The following GRAMD1B variants were observed in gnomAD, a reference collection of about 807,000 sequenced individuals.
GRAMD1B encodes the protein GRAM domain containing 1B, also known as protein Aster-B.
In GRAMD1B, 37 loss-of-function variants were observed where a neutral mutation model predicts 99.7. The ratio of observed to expected loss-of-function variants is 0.37; its 90% CI spans 0.29 to 0.49. The LOEUF (loss-of-function observed/expected upper bound fraction) is 0.49, where lower values mean the gene tolerates loss of function less well. GRAMD1B is among the 20% of genes least tolerant of loss of function. The pLI is 0.98. For synonymous variants in GRAMD1B, 427 were observed against 387.6 expected (o/e 1.10, Z -1.19); for missense variants, 888 against 1,009.2 (o/e 0.88, Z 1.63).
intron 2 of GRAMD1B, among the ~76,000 whole-genome samples, chr11:123,515,692 A>T (rs1408302251): frequency 4.6e-5 from 7 of 152,204 alleles, no homozygotes; most frequent in Non-Finnish European, 1.5e-5. Context: ...GAAACATAGA[A>T]CTACCACCAC....
chr11:123,591,836 A>T lies in GRAMD1B; in HGVS notation c.685-2246A>T, dbSNP rs1324086972. ...GGCTTGTGTTGGGAAGCCTGGATAAAGGAGTTTCCAGACTGGCTGACTTAG... is the reference window on the plus strand; with the variant it reads ...GGCTTGTGTTGGGAAGCCTGGATAATGGAGTTTCCAGACTGGCTGACTTAG... On this transcript the variant is annotated intron_variant, in intron 4 of 19. Coordinates refer to ENST00000635736, the MANE Select transcript of GRAMD1B (RefSeq NM_001387025.1). This position sits in a 1 kb window ranked among gnomAD's most constrained non-coding sequence, Gnocchi z 4.7. 6.6e-6 allele frequency among the ~76,000 whole-genome samples: 1 copy of T among 152,136 alleles called. No homozygotes were observed.
intron 4 of GRAMD1B, among the ~76,000 whole-genome samples, chr11:123,585,268 G>A (rs567240640): frequency 6.6e-6 from 1 of 152,344 alleles, no homozygotes; most frequent in East Asian, 1.9e-4. Context: ...GCCAGGGGAT[G>A]GGCTGGAGGG....
intron 1 of GRAMD1B, among the ~76,000 whole-genome samples, chr11:123,448,557 C>T (rs1216838161): frequency 6.6e-6 from 1 of 152,172 alleles, no homozygotes; most frequent in East Asian, 1.9e-4. Context: ...TGTCCTGGGG[C>T]GATTTCATCC....
chr11:123,376,600 A>G (rs1415530265), intron 1 of GRAMD1B, among the ~76,000 whole-genome samples: 1 of 152,224 alleles, frequency 6.6e-6, no homozygotes, highest in Non-Finnish European at 1.5e-5. Context: ...CAGGAGCAAG[A>G]TAAATATCAC....
At chr11:123,477,004 A>G (rs1321939692) in intron 1 of GRAMD1B, among the ~76,000 whole-genome samples, 1 of 152,176 alleles carries the variant, frequency 6.6e-6, no homozygotes, top group Non-Finnish European at 1.5e-5. Flanking sequence ...AAGCACTTTG[A>G]GAGCAGGATC....
chr11:123,539,273 C>T (rs1944273307), intron 2 of GRAMD1B, among the ~76,000 whole-genome samples: 1 of 152,054 alleles, frequency 6.6e-6, no homozygotes, highest in Admixed American at 6.6e-5. Flanking sequence ...TTTCATTCAG[C>T]TGTCATACAA....
intron 2 of GRAMD1B, among the ~76,000 whole-genome samples, chr11:123,550,243 T>C (rs1945477142): frequency 6.6e-6 from 1 of 152,180 alleles, no homozygotes; most frequent in Non-Finnish European, 1.5e-5. Flanking sequence ...GTGTCCTGAC[T>C]GCTCCCATTG....
At chr11:123,476,302 T>C (rs1951270476) in intron 1 of GRAMD1B, among the ~76,000 whole-genome samples, 1 of 152,160 alleles carries the variant, frequency 6.6e-6, no homozygotes, top group South Asian at 2.1e-4. Flanking sequence ...GGTTTCACCA[T>C]GTTGGCCAGG....
Position 123,592,226 on chromosome 11 carries a change from A to G in GRAMD1B, c.685-1856A>G, listed in dbSNP as rs143831280. On this transcript the variant is annotated intron_variant, in intron 4 of 19. Coordinates refer to ENST00000635736, the MANE Select transcript of GRAMD1B (RefSeq NM_001387025.1). ...GGCTAGCAGGGGCCGCAAAGCAGGTAAATATCTCATTCTCAAGGGAGTGTG... is the reference window on the plus strand; with the variant it reads ...GGCTAGCAGGGGCCGCAAAGCAGGTGAATATCTCATTCTCAAGGGAGTGTG... Among the ~76,000 whole-genome samples the G allele has an allele frequency of 3.6e-3, 553 of 152,252 alleles. 5 individuals carry two copies. The highest frequency in any genetic ancestry group is 0.014 in the South Asian group (67 of 4,828).
At chr11:123,372,550 G>T (rs1240213598) in intron 1 of GRAMD1B, among the ~76,000 whole-genome samples, 1 of 152,130 alleles carries the variant, frequency 6.6e-6, no homozygotes, top group Non-Finnish European at 1.5e-5. Context: ...GTGTGGAATG[G>T]TGCTCTCATT....
Position 123,548,291 on chromosome 11 carries a change from AATATATATATATATATATAT to A in GRAMD1B, c.453-29060_453-29041del, listed in dbSNP as rs139996126. ...AATTGGAAGAGTCAGGCTGTGCCAA[AATATATATATATATATATAT>A]ATATATATATATATACACACACACA... On this transcript the variant is annotated intron_variant, in intron 2 of 19. Coordinates refer to ENST00000635736, the MANE Select transcript of GRAMD1B (RefSeq NM_001387025.1). Among the ~76,000 whole-genome samples, 89 of 75,150 alleles carry A rather than the reference AATATATATATATATATATAT, an allele frequency of 1.2e-3. 1 individual carries two copies. The highest frequency in any genetic ancestry group is 1.9e-3 in the Admixed American group (12 of 6,316). 49.3% of individuals were successfully genotyped at this position (75,150 alleles called of 152,430 possible). A position where few individuals can be genotyped will look rare whatever the true frequency, so the allele number is the denominator to read the frequency against.
chr11:123,614,866 C>G (rs1565470533), intron 17 of GRAMD1B, 31 bp downstream of exon 17: 1 of 1,298,498 alleles, frequency 7.7e-7, no homozygotes, highest in Non-Finnish European at 1.1e-6. Flanking sequence ...CTATCCTGCC[C>G]TCACCACCTT....
chr11:123,513,084 A>C (rs569181209), intron 2 of GRAMD1B, among the ~76,000 whole-genome samples: 27 of 152,334 alleles, frequency 1.8e-4, no homozygotes, highest in African/African-American at 6.5e-4. Context: ...AGTAACTTAC[A>C]TACAGTTTCA....
Position 123,540,857 on chromosome 11 carries a change from G to A in GRAMD1B, c.453-36510G>A, listed in dbSNP as rs1429294931. ...GTTTTCATAGTTAATTTTAAGGATAGCATCACAAACATGCATCCCTATCTG... is the reference window on the plus strand; with the variant it reads ...GTTTTCATAGTTAATTTTAAGGATAACATCACAAACATGCATCCCTATCTG... On this transcript the variant is annotated intron_variant, in intron 2 of 19. Coordinates refer to ENST00000635736, the MANE Select transcript of GRAMD1B (RefSeq NM_001387025.1). 4.6e-5 allele frequency among the ~76,000 whole-genome samples: 7 copies of A among 152,104 alleles called. No homozygotes were observed. The South Asian group carries it at 1.2e-3, about 27-fold the overall frequency.
intron 2 of GRAMD1B, among the ~76,000 whole-genome samples, chr11:123,514,133 G>C (rs1941441364): frequency 6.6e-6 from 1 of 152,144 alleles, no homozygotes; most frequent in Non-Finnish European, 1.5e-5. Context: ...GGGGGAGACA[G>C]ACAAGTAAAC....
chr11:123,559,552 C>T (rs1946478566), intron 2 of GRAMD1B: 2 of 286,826 alleles, frequency 7.0e-6, no homozygotes, highest in Non-Finnish European at 1.0e-5. Flanking sequence ...AATAGAATAC[C>T]TCGCACTGCC....
At chr11:123,403,764 G>C (rs1032114814) in intron 1 of GRAMD1B, among the ~76,000 whole-genome samples, 1 of 151,812 alleles carries the variant, frequency 6.6e-6, no homozygotes, top group Non-Finnish European at 1.5e-5. Flanking sequence ...GGCTAGTCTC[G>C]AACTCCTGAC....
chr11:123,511,224 C>G (rs1339347706), intron 2 of GRAMD1B, among the ~76,000 whole-genome samples: 1 of 152,130 alleles, frequency 6.6e-6, no homozygotes, highest in Non-Finnish European at 1.5e-5. Context: ...GCGGGCTGGA[C>G]AGTCTTAAAA....
intron 3 of GRAMD1B, among the ~76,000 whole-genome samples, chr11:123,580,901 CTTT>C (rs34166213): frequency 7.0e-6 from 1 of 142,536 alleles, no homozygotes. Context: ...TTTGACTTTC[CTTT>C]TTTTTTTTTT....
Sources: allele counts gnomAD v4.1 joint callset (sites outside exome capture counted in the v4.1 genomes callset), GRCh38; gene constraint gnomAD v4.1.1; non-coding constraint Gnocchi (gnomAD v3.1); transcripts MANE v1.5; gene names NCBI Gene and HGNC (gene_info 2026-07-23, HGNC 2026-07-21).